The following CDH2 variants were observed in gnomAD, a reference collection of about 807,000 sequenced individuals.
CDH2 encodes the protein cadherin-2.
Under a neutral mutation model 92.0 loss-of-function variants are expected in CDH2, and 17 were observed. The observed-to-expected ratio is 0.18, with a 90% confidence interval of 0.13 to 0.28. The LOEUF is 0.28. Among genes scored for constraint, CDH2 ranks in the 10% least tolerant of loss-of-function variants. The probability of loss-of-function intolerance (pLI) is 1.00; values close to 1 mark genes in which losing one functional copy is unlikely to be tolerated. For missense variants in CDH2, 862 were observed against 1,133.1 expected, an observed-to-expected ratio of 0.76 and a Z score of 3.44; for synonymous variants, 419 against 415.9, an observed-to-expected ratio of 1.01 and a Z score of -0.09.
At chr18:28,018,792 A>G (rs2013324791) in intron 2 of CDH2, among the ~76,000 whole-genome samples, 1 of 151,858 alleles carries the variant, frequency 6.6e-6, no homozygotes, top group African/African-American at 2.4e-5. Context: ...TAGATCTACT[A>G]TGTGATCCAG....
intron 1 of CDH2, among the ~76,000 whole-genome samples, chr18:28,168,817 A>G (rs1007232520): frequency 7.3e-5 from 11 of 151,244 alleles, no homozygotes; most frequent in Admixed American, 3.3e-4. Flanking sequence ...TTATTTAAAG[A>G]AAAAAAAATC....
At chr18:28,045,595 C>A (rs1168551973) in intron 2 of CDH2, 2 of 327,224 alleles carry the variant, frequency 6.1e-6, no homozygotes, top group Non-Finnish European at 1.2e-5. Context: ...AACACTCTTA[C>A]TTAAGCACCT....
At chr18:28,120,670 C>A (rs532602841) in intron 2 of CDH2, among the ~76,000 whole-genome samples, 1 of 152,060 alleles carries the variant, frequency 6.6e-6, no homozygotes, top group South Asian at 2.1e-4. Flanking sequence ...AAAAGGGAGG[C>A]ATGATTTATG....
chr18:28,118,316 T>G (rs2015529691), intron 2 of CDH2, among the ~76,000 whole-genome samples: 1 of 152,170 alleles, frequency 6.6e-6, no homozygotes, highest in Non-Finnish European at 1.5e-5. Flanking sequence ...ACAAATGCAC[T>G]GCTGCACATT....
chr18:28,057,599 G>A lies in CDH2; in HGVS notation c.173-43690C>T, dbSNP rs187522754. Among the ~76,000 whole-genome samples, 26 of 152,038 alleles carry A rather than the reference G, an allele frequency of 1.7e-4. 1 individual carries two copies. The highest frequency in any genetic ancestry group is 5.8e-4 in the African/African-American group (24 of 41,474). On this transcript the variant is annotated intron_variant, in intron 2 of 15. Coordinates refer to ENST00000269141, the MANE Select transcript of CDH2 (RefSeq NM_001792.5). Reference sequence around the variant, plus strand: ...GGAGAATTGCTTGAACCCGGGAGGCGGCAGTTGCAGTGAGCCAAGATCATG... The same window carrying A: ...GGAGAATTGCTTGAACCCGGGAGGCAGCAGTTGCAGTGAGCCAAGATCATG...
chr18:27,982,910 A>G, intron 14 of CDH2, 34 bp downstream of exon 14: 3 of 1,463,390 alleles, frequency 2.1e-6, no homozygotes, highest in Non-Finnish European at 2.8e-6. Flanking sequence ...TACGATCATA[A>G]AATTTATTTT....
chr18:28,008,471 G>A (rs1207565782), intron 5 of CDH2, among the ~76,000 whole-genome samples: 1 of 152,120 alleles, frequency 6.6e-6, no homozygotes, highest in Non-Finnish European at 1.5e-5. Flanking sequence ...TTATTTGTCT[G>A]TTAGATCTAG....
Position 27,985,054 on chromosome 18 carries a change from C to A in CDH2, c.2155G>T (p.Gly719Trp). Reference sequence around the variant, plus strand: ...GCAATGATGGCACCGGTGCCAAGCCCCGCACCCACAATCCTGTCCACATCT... The same window carrying A: ...GCAATGATGGCACCGGTGCCAAGCCACGCACCCACAATCCTGTCCACATCT... ...CTDVDRIVGA[G>W]LGTGAIIAIL... The change falls in exon 13 of 16, where the codon GGG becomes TGG. Residue 719 changes from glycine to tryptophan, a missense_variant. This residue lies in a region of CDH2 where 564 missense variants were observed against 722.2 expected (regional missense o/e 0.78). Coordinates refer to ENST00000269141, the MANE Select transcript of CDH2 (RefSeq NM_001792.5). 1.2e-6 allele frequency: 2 copies of A among 1,614,096 alleles called. No homozygotes were observed. Among genetic ancestry groups the A allele is most frequent in the Non-Finnish European group, 1.7e-6 (2 of 1,179,964 alleles).
Position 27,985,601 on chromosome 18 carries a change from A to G in CDH2, c.1902T>C (p.Ala634=). ...TALDYDIDPN[A]GPFAFDLPLS... ...AAGGAAGATCAAAAGCAAATGGTCC[A>G]GCATTTGGATCAATGTCATAATCAA... Residue 634 remains alanine, a synonymous_variant, in exon 12 of 16, where the codon GCT becomes GCC. Transcript: ENST00000269141. 2 of 1,614,126 alleles carry G rather than the reference A, an allele frequency of 1.2e-6. No homozygotes were observed. Among genetic ancestry groups the G allele is most frequent in the Non-Finnish European group, 1.7e-6 (2 of 1,179,960 alleles).
At chr18:28,160,637 T>G (rs563322339) in intron 1 of CDH2, among the ~76,000 whole-genome samples, 1 of 152,130 alleles carries the variant, frequency 6.6e-6, no homozygotes, top group African/African-American at 2.4e-5. Context: ...CCATAGTAAA[T>G]GGCAGAGAAA....
At chr18:28,021,024 A>C (rs1039161269) in intron 2 of CDH2, among the ~76,000 whole-genome samples, 1 of 151,982 alleles carries the variant, frequency 6.6e-6, no homozygotes, top group African/African-American at 2.4e-5. Flanking sequence ...TAATTATCAG[A>C]TATAACTTAA....
chr18:28,081,866 A>T (rs1247322560), intron 2 of CDH2, among the ~76,000 whole-genome samples: 1 of 152,236 alleles, frequency 6.6e-6, no homozygotes, highest in African/African-American at 2.4e-5. Context: ...CAAAGGTTAC[A>T]CATTTTAGAA....
At chr18:28,119,100 C>T (rs952817818) in intron 2 of CDH2, among the ~76,000 whole-genome samples, 2 of 152,060 alleles carry the variant, frequency 1.3e-5, no homozygotes, top group African/African-American at 4.8e-5. Context: ...ACAGCAGCAA[C>T]CAAGTCCAAA....
At chr18:27,940,410 A>G (rs1055960036) in intron 6 of CDH2, among the ~76,000 whole-genome samples, 1 of 152,192 alleles carries the variant, frequency 6.6e-6, no homozygotes, top group Non-Finnish European at 1.5e-5. Context: ...TCTAATATGT[A>G]GTAAGTTTAG....
chr18:28,046,520 G>T (rs886776007), intron 2 of CDH2, among the ~76,000 whole-genome samples: 3 of 152,076 alleles, frequency 2.0e-5, no homozygotes, highest in Non-Finnish European at 4.4e-5. Context: ...ATAAACAAAA[G>T]TCATAATTTA....
chr18:28,018,113 T>C (rs560960408), intron 2 of CDH2, among the ~76,000 whole-genome samples: 72 of 148,808 alleles, frequency 4.8e-4, no homozygotes, highest in African/African-American at 1.6e-3. Context: ...ACACCAACAG[T>C]GACCAAGCTG....
downstream of CDH2, among the ~76,000 whole-genome samples, chr18:27,946,889 C>T (rs1289055062): frequency 6.6e-6 from 1 of 151,890 alleles, no homozygotes; most frequent in Non-Finnish European, 1.5e-5. Context: ...AATACACAAT[C>T]ATCTATGTAG....
At chr18:28,111,144 T>C (rs987179719) in intron 2 of CDH2, among the ~76,000 whole-genome samples, 2 of 152,146 alleles carry the variant, frequency 1.3e-5, no homozygotes, top group African/African-American at 2.4e-5. Flanking sequence ...CTTACAGGCA[T>C]TGGAAAGAGG....
chr18:28,089,113 T>A (rs1029121585), intron 2 of CDH2, among the ~76,000 whole-genome samples: 1 of 152,168 alleles, frequency 6.6e-6, no homozygotes, highest in African/African-American at 2.4e-5. Flanking sequence ...AGAGTACGTC[T>A]CCTTTACATG....
Sources: gnomAD v4.1 joint callset for allele counts (sites outside exome capture counted in the v4.1 genomes callset) on GRCh38, gnomAD v4.1.1 for gene constraint, gnomAD v4.1.1 regional missense constraint, MANE v1.5 for transcripts, NCBI Gene and HGNC (gene_info 2026-07-23, HGNC 2026-07-21) for gene names.